Variants in TMEM230 observed in about 807,000 individuals in gnomAD.
TMEM230 encodes transmembrane protein 230.
A neutral mutation model predicts 15.8 loss-of-function variants in TMEM230; 10 were observed. The ratio of observed to expected loss-of-function variants is 0.63; its 90% CI spans 0.39 to 1.07. TMEM230 has a LOEUF of 1.07. Among genes scored for constraint, TMEM230 ranks in the 50% least tolerant of loss-of-function variants. The probability of loss-of-function intolerance (pLI) is 0.01; values close to 1 mark genes in which losing one functional copy is unlikely to be tolerated. For synonymous variants in TMEM230, 67 were observed against 76.9 expected, an observed-to-expected ratio of 0.87 and a Z score of 0.68; for missense variants, 165 against 193.3, an observed-to-expected ratio of 0.85 and a Z score of 0.87.
chr20:5,059,194 G>A, the TMEM230 span, among the ~76,000 whole-genome samples: 1 of 150,990 alleles, frequency 6.6e-6, no homozygotes, highest in African/African-American at 2.4e-5. Context: ...GACAGGTTTT[G>A]TTCTGTTGCC....
chr20:5,106,107 ACACACACACACACG>A lies in TMEM230; in HGVS notation c.411+67_411+80del. The A allele has an allele frequency of 3.2e-5, 49 of 1,528,202 alleles. No individual in the cohort carries two copies. In the African/African-American group the frequency reaches 4.3e-4, roughly 14 times the overall value. The allele number at this position is 1,528,202 out of a possible 1,614,324, so 94.7% of individuals were successfully genotyped here. A position where few individuals can be genotyped will look rare whatever the true frequency, so the allele number is the denominator to read the frequency against. On this transcript the variant is annotated intron_variant, in intron 4 of 4. Coordinates refer to ENST00000342308, the MANE Select transcript of TMEM230 (RefSeq NM_001009923.2). Reference sequence around the variant, plus strand: ...CACACACACACACACACACACACACACACACACACACACGCACACTAGAGCCTTGGCTAACATTT... The same window carrying A: ...CACACACACACACACACACACACACACACACTAGAGCCTTGGCTAACATTT...
chr20:5,071,387 G>C (rs945490046), intron 3 of TMEM230, among the ~76,000 whole-genome samples: 2 of 152,094 alleles, frequency 1.3e-5, no homozygotes, highest in African/African-American at 4.8e-5. Context: ...CACTTTGGGA[G>C]GCCGAGGCAG....
At chr20:5,092,634 T>C (rs2089543315) in intron 3 of TMEM230, among the ~76,000 whole-genome samples, 1 of 150,824 alleles carries the variant, frequency 6.6e-6, no homozygotes, top group African/African-American at 2.4e-5. Context: ...GAGAATCGCT[T>C]GAACCCGGAG....
intron 3 of TMEM230, among the ~76,000 whole-genome samples, chr20:5,086,975 G>A (rs1231462222): frequency 2.6e-5 from 4 of 152,148 alleles, no homozygotes; most frequent in African/African-American, 9.7e-5. Flanking sequence ...CCAGGCTCAA[G>A]CAATCATCCC....
intron 3 of TMEM230, among the ~76,000 whole-genome samples, chr20:5,107,755 A>G (rs912371654): frequency 2.0e-5 from 3 of 151,170 alleles, no homozygotes; most frequent in Non-Finnish European, 2.9e-5. Context: ...TCAAGGTTAC[A>G]GTGAGTCTTG....
intron 3 of TMEM230, among the ~76,000 whole-genome samples, chr20:5,082,543 G>C (rs530550128): frequency 6.6e-6 from 1 of 152,292 alleles, no homozygotes; most frequent in East Asian, 1.9e-4. Flanking sequence ...CTGGGCTCAA[G>C]CAATCCTCCC....
exon 4 of TMEM230, chr20:5,069,118 C>T (rs1453118862): frequency 4.1e-5 from 51 of 1,250,638 alleles, no homozygotes; most frequent in Non-Finnish European, 4.8e-5. Context: ...TTCATGCTGA[C>T]GTACTTATTC....
At chr20:5,076,107 TA>T (rs113147650) in intron 3 of TMEM230, among the ~76,000 whole-genome samples, 1,420 of 140,104 alleles carry the variant, frequency 0.01, 12 homozygotes, top group African/African-American at 0.028. Flanking sequence ...AGACCCTGTC[TA>T]AAAAAAAAAA....
intron 3 of TMEM230, among the ~76,000 whole-genome samples, chr20:5,088,534 G>A (rs1455852019): frequency 6.6e-6 from 1 of 151,986 alleles, no homozygotes; most frequent in Non-Finnish European, 1.5e-5. Context: ...GGGATTATAG[G>A]CATGAGCCTA....
chr20:5,107,439 TCA>T (rs199563217), intron 3 of TMEM230, among the ~76,000 whole-genome samples: 2,793 of 152,334 alleles, frequency 0.018, 40 homozygotes, highest in Middle Eastern at 0.078. Context: ...GTTATTGCTC[TCA>T]CAGTTACTCA....
chr20:5,111,599 ACTCC>A lies in TMEM230; in HGVS notation c.71_74del (p.Trp24PhefsTer2), dbSNP rs2090322412. 7.2e-6 allele frequency: 1 copy of A among 139,340 alleles called. No homozygotes were observed. The allele number at this position is 139,340 out of a possible 1,614,324, so 8.6% of individuals were successfully genotyped here. On this transcript the variant is annotated frameshift_variant and splice_region_variant, in exon 2 of 5. Transcript: ENST00000342308. LOFTEE classifies it high-confidence loss of function. ...GCTCCAGCCTGGGCGACAGAACTAG[ACTCC>A]ATCTAAAAAAAAAAAAAAAAAAAAA...
At chr20:5,108,542 A>G (rs73602856) in intron 3 of TMEM230, among the ~76,000 whole-genome samples, 34 of 152,314 alleles carry the variant, frequency 2.2e-4, no homozygotes, top group African/African-American at 7.7e-4. Context: ...TAAGATTCAG[A>G]GACAAATTTT....
At chr20:5,061,946 C>T in the TMEM230 span, among the ~76,000 whole-genome samples, 2 of 152,028 alleles carry the variant, frequency 1.3e-5, no homozygotes, top group African/African-American at 4.8e-5. Flanking sequence ...ATAGGCCAGG[C>T]GTGGTGGCTC....
chr20:5,064,192 AGGAGGC>A (rs1482322160), downstream of TMEM230, among the ~76,000 whole-genome samples: 1 of 152,104 alleles, frequency 6.6e-6, no homozygotes, highest in African/African-American at 2.4e-5. Context: ...ACTTGAACCC[AGGAGGC>A]GGAGGTTGCA....
chr20:5,100,089 A>T lies in TMEM230; in HGVS notation c.*702T>A, dbSNP rs2089794581. The stretch of plus-strand genomic sequence containing the variant: ...CATGTTTCATTAGGAAACAGCCAAA[A>T]GTCCGGCCGTTAAAGGAATAATCTG... On this transcript the variant is annotated 3_prime_UTR_variant, in exon 5 of 5. Transcript: ENST00000342308. The T allele has an allele frequency of 2.0e-6, 2 of 985,324 alleles. No individual in the cohort carries two copies. The highest frequency in any genetic ancestry group is 6.2e-5 in the Admixed American group (1 of 16,258). 61.0% of individuals were successfully genotyped at this position (985,324 alleles called of 1,614,324 possible).
chr20:5,109,222 G>C (rs2090213591), intron 3 of TMEM230, 110 bp downstream of exon 2: 3 of 783,160 alleles, frequency 3.8e-6, no homozygotes, highest in Non-Finnish European at 6.1e-6. Flanking sequence ...TCTTCTTGTT[G>C]CTCCTTCTAA....
At chr20:5,072,373 T>C (rs902137292) in intron 3 of TMEM230, among the ~76,000 whole-genome samples, 4 of 152,146 alleles carry the variant, frequency 2.6e-5, no homozygotes, top group African/African-American at 9.7e-5. Context: ...AATCAAGTAG[T>C]TCTTGGCGAG....
downstream of TMEM230, among the ~76,000 whole-genome samples, chr20:5,066,670 CA>C (rs71332869): frequency 0.027 from 2,431 of 90,774 alleles, 15 homozygotes; most frequent in Middle Eastern, 0.044. Flanking sequence ...GACTCTGTCT[CA>C]AAAAAAAAAA....
intron 4 of TMEM230, among the ~76,000 whole-genome samples, chr20:5,102,874 T>C (rs981127521): frequency 6.6e-6 from 1 of 151,944 alleles, no homozygotes; most frequent in Non-Finnish European, 1.5e-5. Flanking sequence ...AAATCCTCAA[T>C]AAGGAGGATA....
Sources: allele counts gnomAD v4.1 joint callset (sites outside exome capture counted in the v4.1 genomes callset), GRCh38; gene constraint gnomAD v4.1.1; transcripts MANE v1.5; gene names NCBI Gene and HGNC (gene_info 2026-07-23, HGNC 2026-07-21).